TRIO: variants seen among roughly 807,000 people sequenced by gnomAD.
TRIO encodes the protein trio Rho guanine nucleotide exchange factor, also known as triple functional domain protein.
A neutral mutation model predicts 351.9 loss-of-function variants in TRIO; 58 were observed. The ratio of observed to expected loss-of-function variants is 0.16; its 90% CI spans 0.13 to 0.21. The LOEUF (loss-of-function observed/expected upper bound fraction) is 0.21. TRIO is among the 10% of genes least tolerant of loss of function. The pLI is 1.00. For synonymous variants in TRIO, 1,758 were observed against 1,595.7 expected, an observed-to-expected ratio of 1.10 and a Z score of -2.42; for missense variants, 3,201 against 4,027.8, an observed-to-expected ratio of 0.79 and a Z score of 5.56.
In TRIO at chr5:14,492,810, C is replaced by G; in HGVS notation, c.7876C>G (p.Leu2626Val). ...AVIVENPDGT[L>V]KKSTSWHTAL... Reference sequence around the variant, plus strand: ...CATCGTGGAGAACCCGGACGGGACTCTCAAGTGAGTGCTTGACAGTAACGG... The same window carrying G: ...CATCGTGGAGAACCCGGACGGGACTGTCAAGTGAGTGCTTGACAGTAACGG... The change falls in exon 49 of 57, where the codon CTC (leucine) becomes GTC (valine). Residue 2626 changes from leucine to valine, a missense_variant. Transcript: ENST00000344204. 1 of 1,613,382 alleles carries G rather than the reference C, an allele frequency of 6.2e-7. No homozygotes were observed.
intron 1 of TRIO, among the ~76,000 whole-genome samples, chr5:14,195,300 C>T (rs1213773836): frequency 6.6e-6 from 1 of 152,086 alleles, no homozygotes; most frequent in Admixed American, 6.5e-5. Flanking sequence ...GTTTGCTGAA[C>T]GACCCTTGAT....
At chr5:14,335,092 C>T (rs1453278190) in intron 10 of TRIO, among the ~76,000 whole-genome samples, 5 of 152,136 alleles carry the variant, frequency 3.3e-5, no homozygotes, top group South Asian at 2.1e-4. Flanking sequence ...TGTATTCATG[C>T]GAATAGCTCC....
In TRIO at chr5:14,291,065, C is replaced by T. The variant is rs1158763615; in HGVS notation, c.890C>T (p.Ser297Leu). 3.7e-6 allele frequency: 6 copies of T among 1,614,108 alleles called. No individual in the cohort carries two copies. The African/African-American group carries it at 6.7e-5, about 18-fold the overall frequency. The change falls in exon 5 of 57, where the codon TCA (serine) becomes TTA (leucine). Residue 297 changes from serine (S) to leucine (L), a missense_variant. Ser to Leu is a moderately radical substitution (Grantham distance 145). Transcript: ENST00000344204. ...AGTGAAAGCTTTCCCAAAAAGAACT[C>T]AGGCTCAGGCAATGCGGACCTGCAG... is the stretch of plus-strand genomic sequence containing the variant. Reference protein sequence around the residue: ...QSSESFPKKNSGSGNADLQNL... With the variant: ...QSSESFPKKNLGSGNADLQNL...
intron 11 of TRIO, among the ~76,000 whole-genome samples, chr5:14,348,107 C>T (rs561504844): frequency 5.9e-5 from 9 of 152,292 alleles, no homozygotes; most frequent in African/African-American, 1.9e-4. Flanking sequence ...GTTTGGATCA[C>T]GTGGGTATTG....
intron 13 of TRIO, among the ~76,000 whole-genome samples, chr5:14,361,159 A>T (rs983636303): frequency 6.6e-6 from 1 of 151,936 alleles, no homozygotes; most frequent in African/African-American, 2.4e-5. Context: ...TTTTTCTTCC[A>T]GGACATTTTG....
At chr5:14,269,438 A>G (rs1242890620) in intron 1 of TRIO, among the ~76,000 whole-genome samples, 1 of 152,222 alleles carries the variant, frequency 6.6e-6, no homozygotes, top group Non-Finnish European at 1.5e-5. Context: ...GACCCACACT[A>G]CACATTCTCT....
chr5:14,451,449 AAC>A (rs1452114109), intron 34 of TRIO, among the ~76,000 whole-genome samples: 1 of 152,264 alleles, frequency 6.6e-6, no homozygotes, highest in African/African-American at 2.4e-5. Flanking sequence ...CAACACCGTC[AAC>A]AGTCATAAGC....
intron 1 of TRIO, among the ~76,000 whole-genome samples, chr5:14,259,946 G>A (rs1795246787): frequency 6.6e-6 from 1 of 152,156 alleles, no homozygotes; most frequent in Non-Finnish European, 1.5e-5. Flanking sequence ...CAGATGTATT[G>A]CAAATTACAT....
chr5:14,434,950 T>C (rs1419490685), intron 34 of TRIO, among the ~76,000 whole-genome samples: 1 of 152,256 alleles, frequency 6.6e-6, no homozygotes, highest in Non-Finnish European at 1.5e-5. Context: ...CAGTGTTTTC[T>C]CTTAAATTTA....
intron 1 of TRIO, among the ~76,000 whole-genome samples, chr5:14,249,029 G>A (rs1794598463): frequency 6.6e-6 from 1 of 152,220 alleles, no homozygotes; most frequent in Admixed American, 6.5e-5. Flanking sequence ...TGAGCTAGAT[G>A]TACATAGTTC....
intron 1 of TRIO, among the ~76,000 whole-genome samples, chr5:14,160,944 T>C (rs2152120544): frequency 6.6e-6 from 1 of 152,322 alleles, no homozygotes. Context: ...GGAGTCTTGC[T>C]CTGTCGCCCA....
At position 14,487,831 on chromosome 5, in the gene TRIO, G is replaced by C. The variant is rs1187485265; in HGVS notation, c.7203G>C (p.Gly2401=). ...SRRPPGADAE[G]SEREAEPIPK... is the part of the protein sequence containing the mutation. ...GGCCCCCCGGCGCGGACGCCGAGGG[G>C]TCCGAGCGAGAAGCGGAGCCGATCC... The change falls in exon 48 of 57, where the codon GGG becomes GGC. Residue 2401 remains glycine, a synonymous_variant. Transcript: ENST00000344204. The C allele has an allele frequency of 4.6e-6, 7 of 1,512,248 alleles. No homozygotes were observed. Among genetic ancestry groups the C allele is most frequent in the Admixed American group, 2.1e-5 (1 of 46,902 alleles). 93.7% of individuals were successfully genotyped at this position (1,512,248 alleles called of 1,614,324 possible). A position where few individuals can be genotyped will look rare whatever the true frequency, so the allele number is the denominator to read the frequency against.
chr5:14,307,176 G>A (rs919706620), intron 8 of TRIO, among the ~76,000 whole-genome samples: 3 of 152,160 alleles, frequency 2.0e-5, no homozygotes, highest in South Asian at 2.1e-4. Flanking sequence ...GATTTTCCAA[G>A]TTGTAGAATT....
At chr5:14,426,256 C>G (rs1017242973) in intron 34 of TRIO, among the ~76,000 whole-genome samples, 1 of 152,138 alleles carries the variant, frequency 6.6e-6, no homozygotes, top group Non-Finnish European at 1.5e-5. Context: ...ACACGCACAC[C>G]TATACACCTT....
chr5:14,230,340 TTG>T (rs59717445), intron 1 of TRIO, among the ~76,000 whole-genome samples: 2,878 of 149,072 alleles, frequency 0.019, 62 homozygotes, highest in African/African-American at 0.058. Context: ...GGCAAGATGT[TTG>T]TGTGTGTGTG....
Position 14,330,914 on chromosome 5 carries a change from T to G in TRIO, c.1854+14T>G, listed in dbSNP as rs766702872. 8.7e-6 allele frequency: 14 copies of G among 1,613,438 alleles called. No homozygotes were observed. The highest frequency in any genetic ancestry group is 5.0e-5 in the Admixed American group (3 of 59,966). Reference sequence around the variant, plus strand: ...GAAGTGGCACAGGTAAAACAATGGCTTCTATTATTTTATCCCATAAATACC... The same window carrying G: ...GAAGTGGCACAGGTAAAACAATGGCGTCTATTATTTTATCCCATAAATACC... On this transcript the variant is annotated intron_variant, in intron 10 of 56. Transcript: ENST00000344204.
chr5:14,501,412 C>T (rs1211921862), intron 53 of TRIO, among the ~76,000 whole-genome samples: 1 of 152,156 alleles, frequency 6.6e-6, no homozygotes, highest in East Asian at 1.9e-4. Flanking sequence ...TTTGTGTGTG[C>T]CAGGCATTCT....
intron 7 of TRIO, among the ~76,000 whole-genome samples, chr5:14,301,198 C>A (rs1156640379): frequency 6.6e-6 from 1 of 152,028 alleles, no homozygotes; most frequent in East Asian, 1.9e-4. Flanking sequence ...AATCACTGTT[C>A]CCCTCCTCTG....
At chr5:14,473,406 C>G (rs1429800293) in intron 39 of TRIO, among the ~76,000 whole-genome samples, 1 of 152,186 alleles carries the variant, frequency 6.6e-6, no homozygotes, top group Non-Finnish European at 1.5e-5. Flanking sequence ...TTGCATAACA[C>G]AAAAGATTTA....
Sources: allele counts gnomAD v4.1 joint callset (sites outside exome capture counted in the v4.1 genomes callset), GRCh38; gene constraint gnomAD v4.1.1; transcripts MANE v1.5; gene names NCBI Gene and HGNC (gene_info 2026-07-23, HGNC 2026-07-21).